GATAD2B: variants seen among roughly 807,000 people sequenced by gnomAD.
GATAD2B encodes the protein GATA zinc finger domain containing 2B, also known as transcriptional repressor p66-beta.
In GATAD2B, 8 loss-of-function variants were observed where a neutral mutation model predicts 64.3. The ratio of observed to expected loss-of-function variants is 0.12; its 90% CI spans 0.07 to 0.22. The LOEUF is 0.22. Among genes scored for constraint, GATAD2B ranks in the 10% least tolerant of loss-of-function variants. The probability of loss-of-function intolerance (pLI) is 1.00; values close to 1 mark genes in which losing one functional copy is unlikely to be tolerated. For synonymous variants in GATAD2B, 281 were observed against 271.3 expected, an observed-to-expected ratio of 1.04 and a Z score of -0.35; for missense variants, 453 against 752.0, an observed-to-expected ratio of 0.60 and a Z score of 4.65.
chr1:153,857,115 CTT>C (rs1263641257), intron 1 of GATAD2B, among the ~76,000 whole-genome samples: 1 of 146,824 alleles, frequency 6.8e-6, no homozygotes, highest in African/African-American at 2.5e-5. Context: ...TAAAGCATAA[CTT>C]AAATATACAT....
At chr1:153,842,419 T>G (rs1675529341) in intron 1 of GATAD2B, among the ~76,000 whole-genome samples, 1 of 152,196 alleles carries the variant, frequency 6.6e-6, no homozygotes, top group African/African-American at 2.4e-5. Flanking sequence ...AGACAAAACA[T>G]TAGATAAATC....
chr1:153,889,413 C>CAAAAAAA (rs71093299), intron 1 of GATAD2B, among the ~76,000 whole-genome samples: 20 of 67,834 alleles, frequency 2.9e-4, no homozygotes, highest in Admixed American at 4.4e-4. Context: ...ACCCCGTCTC[C>CAAAAAAA]AAAAAAAAAA....
chr1:153,890,186 A>AG (rs1205709064), intron 1 of GATAD2B, among the ~76,000 whole-genome samples: 9 of 149,432 alleles, frequency 6.0e-5, no homozygotes, highest in Admixed American at 1.3e-4. Context: ...AAAAAAAAAA[A>AG]GAAAAAAAAA....
intron 1 of GATAD2B, among the ~76,000 whole-genome samples, chr1:153,920,855 T>C (rs562213070): frequency 6.6e-6 from 1 of 152,106 alleles, no homozygotes; most frequent in South Asian, 2.1e-4. Flanking sequence ...AAAACTCTAT[T>C]CCCCTAAAAA....
chr1:153,824,855 G>A (rs1005228682), intron 2 of GATAD2B, among the ~76,000 whole-genome samples: 6 of 152,034 alleles, frequency 3.9e-5, no homozygotes, highest in South Asian at 2.1e-4. Flanking sequence ...AGGCAAAGGC[G>A]GGCAGATCAC....
At chr1:153,899,354 AGG>A (rs1056050430) in intron 1 of GATAD2B, among the ~76,000 whole-genome samples, 40 of 152,242 alleles carry the variant, frequency 2.6e-4, no homozygotes, top group African/African-American at 9.1e-4. Flanking sequence ...GGATCACCTG[AGG>A]TCAGGAGCTC....
chr1:153,900,497 A>C (rs1460760993), intron 1 of GATAD2B, among the ~76,000 whole-genome samples: 1 of 151,828 alleles, frequency 6.6e-6, no homozygotes, highest in East Asian at 1.9e-4. Context: ...CCTACATCAC[A>C]GACTGGCAAG....
At chr1:153,892,787 C>T (rs1334877761) in intron 1 of GATAD2B, among the ~76,000 whole-genome samples, 1 of 150,830 alleles carries the variant, frequency 6.6e-6, no homozygotes, top group East Asian at 1.9e-4. Flanking sequence ...CTCTGCCTCC[C>T]GGGTTCGGGC....
At chr1:153,833,140 G>A (rs764826399) in intron 1 of GATAD2B, among the ~76,000 whole-genome samples, 1 of 152,126 alleles carries the variant, frequency 6.6e-6, no homozygotes, top group Non-Finnish European at 1.5e-5. Flanking sequence ...TCAGGATTTT[G>A]AGGCTGTAGA....
In GATAD2B at chr1:153,804,980, G is replaced by C. The variant is rs1674066876; in HGVS notation, c.*5197C>G. The C allele has an allele frequency of 6.6e-6, 1 of 152,080 alleles. No individual in the cohort carries two copies. Among genetic ancestry groups the C allele is most frequent in the African/African-American group, 2.4e-5 (1 of 41,412 alleles). 9.4% of individuals were successfully genotyped at this position (152,080 alleles called of 1,614,324 possible). ...AGAATGAGTTAAAAAAGAAATAAAG[G>C]AAACTTAAAGAGAGTTGTGCAAAAG... On this transcript the variant is annotated 3_prime_UTR_variant, in exon 11 of 11. Coordinates refer to ENST00000368655, the MANE Select transcript of GATAD2B (RefSeq NM_020699.4).
At chr1:153,908,961 G>C (rs1678034656) in intron 1 of GATAD2B, among the ~76,000 whole-genome samples, 1 of 151,662 alleles carries the variant, frequency 6.6e-6, no homozygotes, top group South Asian at 2.1e-4. Flanking sequence ...AGCACTTTAG[G>C]AGGCCGAGGT....
At chr1:153,922,698 G>GGGCGGCCA (rs1166407388) in intron 1 of GATAD2B, 35 bp downstream of exon 1, 1 of 152,400 alleles carries the variant, frequency 6.6e-6, no homozygotes, top group Non-Finnish European at 1.5e-5. Flanking sequence ...CCGGGCGGGC[G>GGGCGGCCA]GGCGGCCAGG....
chr1:153,812,366 C>A (rs1215675941), intron 8 of GATAD2B: 2 of 485,446 alleles, frequency 4.1e-6, no homozygotes, highest in Admixed American at 7.4e-5. Flanking sequence ...TGGAGGTGTT[C>A]TTACCTCTAA....
chr1:153,882,453 C>A (rs1232269362), intron 1 of GATAD2B, among the ~76,000 whole-genome samples: 1 of 152,142 alleles, frequency 6.6e-6, no homozygotes, highest in African/African-American at 2.4e-5. Context: ...GATAGGACAT[C>A]TGATTTAACC....
intron 1 of GATAD2B, among the ~76,000 whole-genome samples, chr1:153,887,873 G>A (rs1677233223): frequency 6.6e-6 from 1 of 151,944 alleles, no homozygotes; most frequent in Admixed American, 6.6e-5. Flanking sequence ...GATCACTTGA[G>A]GACAGGAGTT....
At chr1:153,887,034 T>C (rs1247269418) in intron 1 of GATAD2B, among the ~76,000 whole-genome samples, 3 of 152,180 alleles carry the variant, frequency 2.0e-5, no homozygotes, top group Non-Finnish European at 4.4e-5. Context: ...TCCAGTCTAT[T>C]TGGAGAAATC....
intron 8 of GATAD2B, chr1:153,812,413 A>G (rs577436487): frequency 5.5e-6 from 2 of 364,462 alleles, no homozygotes; most frequent in South Asian, 7.3e-5. Context: ...GAAAAGGCAA[A>G]AGAGTTTGGT....
chr1:153,913,599 C>T (rs948420616), intron 1 of GATAD2B, among the ~76,000 whole-genome samples: 11 of 152,068 alleles, frequency 7.2e-5, no homozygotes, highest in Admixed American at 1.3e-4. Flanking sequence ...AAATGGCAGC[C>T]CTCATACCAC....
chr1:153,894,647 G>C (rs889313038), intron 1 of GATAD2B, among the ~76,000 whole-genome samples: 1 of 151,960 alleles, frequency 6.6e-6, no homozygotes, highest in African/African-American at 2.4e-5. Context: ...CAGATCACGA[G>C]GTCAGAAGAT....
Sources: gnomAD v4.1 joint callset for allele counts (sites outside exome capture counted in the v4.1 genomes callset) on GRCh38, gnomAD v4.1.1 for gene constraint, MANE v1.5 for transcripts, NCBI Gene and HGNC (gene_info 2026-07-23, HGNC 2026-07-21) for gene names.